Variants in SMIM17 observed in about 807,000 individuals in gnomAD.
SMIM17 encodes small integral membrane protein 17.
Under a neutral mutation model 12.2 loss-of-function variants are expected in SMIM17, and 10 were observed. That is an observed-to-expected ratio of 0.82 (90% confidence interval 0.50 to 1.39). SMIM17 has a LOEUF of 1.39. Ranked by LOEUF, SMIM17 falls within the 40% of genes most tolerant of loss-of-function variation. SMIM17 has a pLI of 0.00. For synonymous variants in SMIM17, 50 were observed against 44.1 expected, an observed-to-expected ratio of 1.13 and a Z score of -0.53; for missense variants, 136 against 118.2, an observed-to-expected ratio of 1.15 and a Z score of -0.70.
intron 3 of SMIM17, among the ~76,000 whole-genome samples, chr19:56,651,383 A>AG (rs1343605323): frequency 6.6e-6 from 1 of 152,178 alleles, no homozygotes; most frequent in Non-Finnish European, 1.5e-5. Context: ...CCTAGTCACT[A>AG]TACCTCCTGT....
At chr19:56,647,754 T>C in intron 3 of SMIM17, 120 bp downstream of exon 3, 1 of 806,696 alleles carries the variant, frequency 1.2e-6, no homozygotes, top group South Asian at 1.7e-5. Context: ...AAGAGATCTC[T>C]TGTGTCTGAT....
chr19:56,653,568 G>A (rs2045125927), intron 3 of SMIM17, among the ~76,000 whole-genome samples: 1 of 152,136 alleles, frequency 6.6e-6, no homozygotes, highest in African/African-American at 2.4e-5. Flanking sequence ...TTTACGCATG[G>A]ATTATGAGGA....
At chr19:56,646,375 C>T (rs2045063162) in intron 2 of SMIM17, among the ~76,000 whole-genome samples, 1 of 152,194 alleles carries the variant, frequency 6.6e-6, no homozygotes, top group Admixed American at 6.5e-5. Context: ...TGGATTTCAA[C>T]TGGGCGTGGT....
rs2045143688 is a variant in SMIM17 at position 56,655,519 on chromosome 19, A to C, written c.*306A>C. 2.8e-6 allele frequency: 1 copy of C among 362,850 alleles called. No homozygotes were observed. Among genetic ancestry groups the C allele is most frequent in the Admixed American group, 4.4e-5 (1 of 22,612 alleles). The allele number at this position is 362,850 out of a possible 1,614,324, so 22.5% of individuals were successfully genotyped here. On this transcript the variant is annotated 3_prime_UTR_variant, in exon 4 of 4. Coordinates refer to ENST00000598409, the MANE Select transcript of SMIM17 (RefSeq NM_001193628.2). ...TCTCCTGACTTTGAGAAGATGAAAA[A>C]ATGTGCAACTGAAGATCAATGAAAT...
intron 1 of SMIM17, among the ~76,000 whole-genome samples, chr19:56,644,544 C>G (rs951363528): frequency 6.6e-6 from 1 of 152,212 alleles, no homozygotes; most frequent in Non-Finnish European, 1.5e-5. Flanking sequence ...ATGGGCGACA[C>G]CAGTCCCATG....
At chr19:56,645,943 A>G in intron 2 of SMIM17, 107 bp downstream of exon 2, 1 of 1,215,332 alleles carries the variant, frequency 8.2e-7, no homozygotes, top group Non-Finnish European at 1.1e-6. Context: ...TTCAACAGCT[A>G]TTCATGGAGC....
At chr19:56,644,354 C>T (rs1168119748) in intron 1 of SMIM17, among the ~76,000 whole-genome samples, 1 of 152,178 alleles carries the variant, frequency 6.6e-6, no homozygotes, top group Non-Finnish European at 1.5e-5. Context: ...CCAACAGACT[C>T]CCCGGCCCAC....
rs921243765 is a variant in SMIM17, at chr19:56,645,709, G to A, written c.42G>A (p.Glu14=). ...LRPEQTRGLL[E]PERTKTLLPR... The stretch of plus-strand genomic sequence containing the variant: ...CTGAGCAGACACGGGGGCTGCTGGA[G>A]CCTGAGAGGACCAAGACTCTGCTGC... The change falls in exon 2 of 4, where the codon GAG becomes GAA. Residue 14 remains glutamate, a synonymous_variant. Transcript: ENST00000598409. 1.9e-5 allele frequency: 29 copies of A among 1,535,416 alleles called. No individual in the cohort carries two copies. The highest frequency in any genetic ancestry group is 2.7e-5 in the African/African-American group (2 of 73,044).
In SMIM17 at chr19:56,647,420, T is replaced by A. The variant is rs1448338851; in HGVS notation, c.170-138T>A. 15 of 548,486 alleles carry A rather than the reference T, an allele frequency of 2.7e-5. No homozygotes were observed. The East Asian group carries it at 2.8e-4, about 10-fold the overall frequency. 34.0% of individuals were successfully genotyped at this position (548,486 alleles called of 1,614,324 possible). ...GAGAGAGAGAGAGAGAGAAGGAGGG[T>A]GAGAGAGAGAGAGAGAGAGAGAGAG... On this transcript the variant is annotated intron_variant, in intron 2 of 3. Transcript: ENST00000598409.
chr19:56,655,568 C>A lies in SMIM17; in HGVS notation c.*355C>A. Reference sequence around the variant, plus strand: ...ATCTGGTACATTTCCTAACATCAAACCAACTTTGCATTCTTAAGGTTTTGG... The same window carrying A: ...ATCTGGTACATTTCCTAACATCAAAACAACTTTGCATTCTTAAGGTTTTGG... On this transcript the variant is annotated 3_prime_UTR_variant, in exon 4 of 4. Transcript: ENST00000598409. 1 of 278,726 alleles carries A rather than the reference C, an allele frequency of 3.6e-6. No individual in the cohort carries two copies. Among genetic ancestry groups the A allele is most frequent in the Non-Finnish European group, 6.6e-6 (1 of 150,742 alleles). 17.3% of individuals were successfully genotyped at this position (278,726 alleles called of 1,614,324 possible). A position where few individuals can be genotyped will look rare whatever the true frequency, so the allele number is the denominator to read the frequency against.
At chr19:56,654,389 C>G (rs891533929) in intron 3 of SMIM17, among the ~76,000 whole-genome samples, 3 of 152,210 alleles carry the variant, frequency 2.0e-5, no homozygotes, top group African/African-American at 7.2e-5. Flanking sequence ...AAGGAGCACT[C>G]TGACTGGCCC....
rs749429518 is a variant in SMIM17, at chr19:56,645,846, A to G, written c.169+10A>G. The G allele has an allele frequency of 1.8e-5, 28 of 1,526,840 alleles. No homozygotes were observed. In the South Asian group the frequency reaches 2.5e-4, roughly 14 times the overall value. The allele number at this position is 1,526,840 out of a possible 1,614,324, so 94.6% of individuals were successfully genotyped here. A position where few individuals can be genotyped will look rare whatever the true frequency, so the allele number is the denominator to read the frequency against. Reference sequence around the variant, plus strand: ...GACAGTGATGAGAAAGGTGAGAGGCAGGGGTCCTTTGGGAGGTGAGTGGGT... The same window carrying G: ...GACAGTGATGAGAAAGGTGAGAGGCGGGGGTCCTTTGGGAGGTGAGTGGGT... On this transcript the variant is annotated intron_variant, in intron 2 of 3. Transcript: ENST00000598409.
intron 3 of SMIM17, among the ~76,000 whole-genome samples, chr19:56,648,990 G>A (rs1345873450): frequency 1.3e-5 from 2 of 152,168 alleles, no homozygotes; most frequent in African/African-American, 4.8e-5. Flanking sequence ...TTGGCTCGTG[G>A]TGCAGGGATG....
At chr19:56,650,714 G>C (rs773081408) in intron 3 of SMIM17, among the ~76,000 whole-genome samples, 1 of 152,158 alleles carries the variant, frequency 6.6e-6, no homozygotes, top group Admixed American at 6.5e-5. Context: ...AGGACCTGAT[G>C]ACATTTCCAG....
At chr19:56,649,345 G>C (rs1169843599) in intron 3 of SMIM17, among the ~76,000 whole-genome samples, 2 of 152,236 alleles carry the variant, frequency 1.3e-5, no homozygotes, top group East Asian at 3.9e-4. Context: ...TCAGTGCCAA[G>C]CAGTGTTCAA....
intron 3 of SMIM17, among the ~76,000 whole-genome samples, chr19:56,650,742 G>C (rs1366348434): frequency 1.3e-5 from 2 of 152,206 alleles, no homozygotes; most frequent in Non-Finnish European, 2.9e-5. Flanking sequence ...GAACGTAAAA[G>C]GTGAAGGAAC....
intron 1 of SMIM17, among the ~76,000 whole-genome samples, chr19:56,644,128 G>A (rs1380692532): frequency 6.6e-6 from 1 of 151,478 alleles, no homozygotes; most frequent in Non-Finnish European, 1.5e-5. Flanking sequence ...CTGTCACCCC[G>A]CTTGCCTGCA....
rs139623002 is a variant in SMIM17, at chr19:56,643,369, C to A, written c.-101+159C>A. 2.1e-3 allele frequency among the ~76,000 whole-genome samples: 315 copies of A among 152,224 alleles called. 1 individual carries two copies. The highest frequency in any genetic ancestry group is 0.017 in the East Asian group (90 of 5,152). Reference sequence around the variant, plus strand: ...GCAGAACCGCTCCAGGGATAGGGTCCGGGGAGAGGGCGTCTCCAAGCCCGT... The same window carrying A: ...GCAGAACCGCTCCAGGGATAGGGTCAGGGGAGAGGGCGTCTCCAAGCCCGT... On this transcript the variant is annotated intron_variant, in intron 1 of 3. Transcript: ENST00000598409.
At position 56,656,315 on chromosome 19, in the gene SMIM17, TA is replaced by T. The variant is rs1303201433; in HGVS notation, c.*1104del. The stretch of plus-strand genomic sequence containing the variant: ...TTCATATTATTAGCTTAATTATGCA[TA>T]ATGTTTTATAATTAAAAATTTCTCT... On this transcript the variant is annotated 3_prime_UTR_variant, in exon 4 of 4. Transcript: ENST00000598409. Among the ~76,000 whole-genome samples, 1 of 152,130 alleles carries T rather than the reference TA, an allele frequency of 6.6e-6. No homozygotes were observed. Among genetic ancestry groups the T allele is most frequent in the Non-Finnish European group, 1.5e-5 (1 of 68,038 alleles).
Sources: gnomAD v4.1 joint callset for allele counts (sites outside exome capture counted in the v4.1 genomes callset) on GRCh38, gnomAD v4.1.1 for gene constraint, MANE v1.5 for transcripts, NCBI Gene and HGNC (gene_info 2026-07-23, HGNC 2026-07-21) for gene names.